Variants in HERC3 observed in about 807,000 individuals in gnomAD.
HERC3 encodes the protein HECT and RLD domain containing E3 ubiquitin protein ligase 3.
A neutral mutation model predicts 129.9 loss-of-function variants in HERC3; 58 were observed. The observed-to-expected ratio is 0.45, with a 90% confidence interval of 0.36 to 0.56. The LOEUF (loss-of-function observed/expected upper bound fraction) is 0.56, where lower values mean the gene tolerates loss of function less well. Among genes scored for constraint, HERC3 ranks in the 20% least tolerant of loss-of-function variants. HERC3 has a pLI of 0.00. For missense variants in HERC3, 835 were observed against 1,244.2 expected, an observed-to-expected ratio of 0.67 and a Z score of 4.95; for synonymous variants, 430 against 451.0, an observed-to-expected ratio of 0.95 and a Z score of 0.59.
intron 3 of HERC3, among the ~76,000 whole-genome samples, chr4:88,619,219 T>C (rs954262431): frequency 3.3e-5 from 5 of 152,242 alleles, no homozygotes; most frequent in Non-Finnish European, 5.9e-5. Flanking sequence ...TTCTTGACTC[T>C]GAATATTATA....
chr4:88,652,786 G>A (rs1560721047), intron 5 of HERC3, 83 bp from the exon 6 acceptor site: 3 of 1,407,020 alleles, frequency 2.1e-6, no homozygotes, highest in Non-Finnish European at 2.9e-6. Flanking sequence ...GGGGCAACTG[G>A]CAAATGACCC....
chr4:88,594,775 T>C lies in HERC3; in HGVS notation c.-87-782T>C, dbSNP rs61068643. ...GATGATCTCTTCTCATTTTGCATGA[T>C]GGAGGATGTGGTAATGAAAAGGGAA... is the stretch of plus-strand genomic sequence containing the variant. On this transcript the variant is annotated intron_variant, in intron 1 of 25. Transcript: ENST00000402738. 1.4e-3 allele frequency among the ~76,000 whole-genome samples: 220 copies of C among 152,008 alleles called. 2 individuals carry two copies. Among genetic ancestry groups the C allele is most frequent in the African/African-American group, 4.9e-3 (205 of 41,460 alleles).
At chr4:88,601,658 A>G (rs945846353) in intron 2 of HERC3, among the ~76,000 whole-genome samples, 1 of 152,366 alleles carries the variant, frequency 6.6e-6, no homozygotes, top group Middle Eastern at 3.4e-3. Flanking sequence ...GACACCTTTG[A>G]AGTCTGCAAT....
chr4:88,581,739 A>G, the HERC3 span, among the ~76,000 whole-genome samples: 3,009 of 152,300 alleles, frequency 0.02, 93 homozygotes, highest in African/African-American at 0.068. Flanking sequence ...GGCATGAGCC[A>G]CTGCCCCTGG....
chr4:88,691,654 AT>A (rs200435724), intron 23 of HERC3, among the ~76,000 whole-genome samples: 2 of 151,788 alleles, frequency 1.3e-5, no homozygotes, highest in African/African-American at 4.8e-5. Flanking sequence ...ACATGAATGA[AT>A]TTTTTTTTCT....
At chr4:88,546,827 C>T in the HERC3 span, among the ~76,000 whole-genome samples, 2 of 152,158 alleles carry the variant, frequency 1.3e-5, no homozygotes, top group African/African-American at 4.8e-5. Context: ...ATGTATTTAG[C>T]CTCTGTCATA....
In HERC3 at chr4:88,658,426, TATC is replaced by T. The variant is rs1477967248; in HGVS notation, c.1084_1086del (p.His362del). On this transcript the variant is annotated inframe_deletion, in exon 10 of 26. Transcript: ENST00000402738. ...TTTTTTTTTGACAGATCGCTTTAAA[TATC>T]ATATCGTTAAGCAGATCTTCTCTGG... 20 of 1,587,164 alleles carry T rather than the reference TATC, an allele frequency of 1.3e-5. No individual in the cohort carries two copies. The highest frequency in any genetic ancestry group is 1.7e-5 in the Non-Finnish European group (20 of 1,164,708).
chr4:88,704,494 T>C lies in HERC3; in HGVS notation c.2842-14T>C, dbSNP rs770459922. On this transcript the variant is annotated splice_polypyrimidine_tract_variant and intron_variant, in intron 24 of 25. Coordinates refer to ENST00000402738, the MANE Select transcript of HERC3 (RefSeq NM_014606.3). ...TCCAAGATACATTTTTTTCTTTTTC[T>C]CTTTTTTGGACAGACTGCCATCTAC... 1 of 1,545,858 alleles carries C rather than the reference T, an allele frequency of 6.5e-7. No individual in the cohort carries two copies. The highest frequency in any genetic ancestry group is 8.9e-7 in the Non-Finnish European group (1 of 1,123,328).
chr4:88,558,595 C>A, the HERC3 span, among the ~76,000 whole-genome samples: 1 of 152,070 alleles, frequency 6.6e-6, no homozygotes, highest in African/African-American at 2.4e-5. Flanking sequence ...CAGAAATCAC[C>A]ACTAAAGAAC....
rs2149325697 is a variant in HERC3, at chr4:88,686,748, G to A, written c.2520G>A (p.Glu840=). The change falls in exon 22 of 26, where the codon GAG becomes GAA. Residue 840 remains glutamate, a synonymous_variant. Coordinates refer to ENST00000402738, the MANE Select transcript of HERC3 (RefSeq NM_014606.3). ...ATTCTATGATTAGGAGTCTCCAAGA[G>A]CTTTTAGATTACCCCGGGGAGGATG... The part of the protein sequence containing the change: ...LSPTEGRSLQ[E]LLDYPGEDVE... 6.2e-7 allele frequency: 1 copy of A among 1,610,532 alleles called. No homozygotes were observed. Among genetic ancestry groups the A allele is most frequent in the Non-Finnish European group, 8.5e-7 (1 of 1,176,902 alleles).
intron 3 of HERC3, among the ~76,000 whole-genome samples, chr4:88,622,941 CAAAAAT>C (rs1329206924): frequency 6.6e-6 from 1 of 151,858 alleles, no homozygotes; most frequent in Admixed American, 6.6e-5. Context: ...AAAACAAAAA[CAAAAAT>C]GCAGATCTGT....
chr4:88,577,459 T>C, the HERC3 span, among the ~76,000 whole-genome samples: 1 of 152,114 alleles, frequency 6.6e-6, no homozygotes, highest in African/African-American at 2.4e-5. Flanking sequence ...ACCTTAATTA[T>C]ACATTTGTCT....
Position 88,653,022 on chromosome 4 carries a change from C to A in HERC3, c.617C>A (p.Ser206Tyr). 1 of 1,614,192 alleles carries A rather than the reference C, an allele frequency of 6.2e-7. No individual in the cohort carries two copies. Among genetic ancestry groups the A allele is most frequent in the Non-Finnish European group, 8.5e-7 (1 of 1,180,024 alleles). ...AAGGAHSFAL[S>Y]LSGAVFGWGM... The stretch of plus-strand genomic sequence containing the variant: ...GGAGGGGCTCACAGCTTTGCCCTGT[C>A]TCTCTCAGGAGCTGTTTTTGGCTGG... Residue 206 changes from serine (S) to tyrosine (Y), a missense_variant, in exon 6 of 26, where the codon TCT becomes TAT. By Grantham distance (144) the Ser-to-Tyr change is moderately radical (BLOSUM62 -2). Coordinates refer to ENST00000402738, the MANE Select transcript of HERC3 (RefSeq NM_014606.3).
At chr4:88,703,956 T>C in intron 23 of HERC3, 142 bp from the exon 24 acceptor site, 1 of 720,664 alleles carries the variant, frequency 1.4e-6, no homozygotes, top group South Asian at 1.8e-5. Context: ...GCTGGTAACC[T>C]ATATGATGCC....
chr4:88,617,876 A>T (rs934003471), intron 3 of HERC3, among the ~76,000 whole-genome samples: 8 of 145,370 alleles, frequency 5.5e-5, no homozygotes, highest in Admixed American at 2.8e-4. Flanking sequence ...GTCTAAAGGA[A>T]AAAAAAAGAA....
rs1731443419 is a variant in HERC3, at chr4:88,669,994, G to A, written c.1768G>A (p.Ala590Thr). ...ACTGTTTAACAATTATATCACAGCA[G>A]CTCTCAAACTCTTGGAGAAGTTATA... ...PVLFNNYITA[A>T]LKLLEKLYKV... Residue 590 changes from alanine (A) to threonine (T), a missense_variant, in exon 15 of 26, where the codon GCT (alanine) becomes ACT (threonine). Transcript: ENST00000402738. 2.5e-6 allele frequency: 4 copies of A among 1,613,782 alleles called. No homozygotes were observed. Among genetic ancestry groups the A allele is most frequent in the African/African-American group, 1.3e-5 (1 of 74,914 alleles).
At chr4:88,651,302 T>C (rs1423151975) in intron 4 of HERC3, among the ~76,000 whole-genome samples, 1 of 152,216 alleles carries the variant, frequency 6.6e-6, no homozygotes, top group Non-Finnish European at 1.5e-5. Context: ...GACTTTGATT[T>C]GTATATAGTT....
At chr4:88,628,099 C>T (rs1163070756) in intron 3 of HERC3, among the ~76,000 whole-genome samples, 1 of 151,906 alleles carries the variant, frequency 6.6e-6, no homozygotes, top group East Asian at 1.9e-4. Context: ...TCTTCTATAC[C>T]TTACTAATTT....
intron 13 of HERC3, 87 bp downstream of exon 13, chr4:88,667,575 A>G: frequency 1.3e-6 from 1 of 747,610 alleles, no homozygotes; most frequent in Non-Finnish European, 2.2e-6. Context: ...AGTAAGATGA[A>G]AAAGTGAAAG....
Sources: allele counts gnomAD v4.1 joint callset (sites outside exome capture counted in the v4.1 genomes callset), GRCh38; gene constraint gnomAD v4.1.1; transcripts MANE v1.5; gene names NCBI Gene and HGNC (gene_info 2026-07-23, HGNC 2026-07-21).